The following VAV3 variants were observed in gnomAD, a reference collection of about 807,000 sequenced individuals.
The protein encoded by VAV3 is guanine nucleotide exchange factor VAV3.
VAV3 carries 94 observed loss-of-function variants against 131.2 expected under a neutral mutation model. The ratio of observed to expected loss-of-function variants is 0.72; its 90% CI spans 0.61 to 0.85. The LOEUF is 0.85. Among genes scored for constraint, VAV3 ranks in the 40% least tolerant of loss-of-function variants. The pLI is 0.00. For synonymous variants in VAV3, 349 were observed against 342.0 expected (o/e 1.02, Z -0.22); for missense variants, 939 against 1,002.7 (o/e 0.94, Z 0.86).
At chr1:107,584,785 C>G (rs1650357485) in intron 25 of VAV3, among the ~76,000 whole-genome samples, 1 of 152,036 alleles carries the variant, frequency 6.6e-6, no homozygotes, top group Non-Finnish European at 1.5e-5. Flanking sequence ...AAGCCATTAA[C>G]AAGAAAACAA....
chr1:107,837,111 A>G (rs551810700), intron 2 of VAV3, among the ~76,000 whole-genome samples: 2 of 151,992 alleles, frequency 1.3e-5, no homozygotes, highest in African/African-American at 4.8e-5. Context: ...GCAAAAAAAA[A>G]CAAAACGAAA....
In VAV3 at chr1:107,749,585, G is replaced by GCCAAATCAAATCACTGCCAAATC; in HGVS notation, c.1268_1269insGATTTGGCAGTGATTTGATTTGG (p.Phe423LeufsTer5). 1.2e-6 allele frequency: 2 copies of GCCAAATCAAATCACTGCCAAATC among 1,609,602 alleles called. No individual in the cohort carries two copies. The highest frequency in any genetic ancestry group is 2.2e-5 in the South Asian group (2 of 90,066). ...ATACGATCACTGCCAAATCAAATAA[G>GCCAAATCAAATCACTGCCAAATC]AAGATATGCCTGGGAAAAAGAGATT... is the stretch of plus-strand genomic sequence containing the variant. On this transcript the variant is annotated stop_gained and frameshift_variant, in exon 14 of 27. Coordinates refer to ENST00000370056, the MANE Select transcript of VAV3 (RefSeq NM_006113.5). LOFTEE classifies it high-confidence loss of function.
chr1:107,760,745 A>G lies in VAV3; in HGVS notation c.1017+39T>C, dbSNP rs200516457. On this transcript the variant is annotated intron_variant, in intron 10 of 26. Transcript: ENST00000370056. Reference sequence around the variant, plus strand: ...TGCTTCATTAATATTTTGTTGAGTGAATAAATGGACAATAAATAAACTGTT... The same window carrying G: ...TGCTTCATTAATATTTTGTTGAGTGGATAAATGGACAATAAATAAACTGTT... 2.0e-5 allele frequency: 30 copies of G among 1,492,122 alleles called. No homozygotes were observed. The African/African-American group carries it at 4.1e-4, about 21-fold the overall frequency. The allele number at this position is 1,492,122 out of a possible 1,614,324, so 92.4% of individuals were successfully genotyped here.
At chr1:107,647,071 G>A (rs1160867563) in intron 19 of VAV3, among the ~76,000 whole-genome samples, 1 of 151,284 alleles carries the variant, frequency 6.6e-6, no homozygotes, top group African/African-American at 2.4e-5. Context: ...TCAATGAACT[G>A]AACAGCTAAT....
intron 9 of VAV3, among the ~76,000 whole-genome samples, chr1:107,762,849 T>C (rs1405797428): frequency 1.3e-5 from 2 of 152,258 alleles, no homozygotes; most frequent in South Asian, 2.1e-4. Context: ...AAGTAAATAA[T>C]GGGTAGAAAG....
intron 15 of VAV3, among the ~76,000 whole-genome samples, chr1:107,721,743 C>T (rs1042097802): frequency 2.0e-5 from 3 of 150,632 alleles, no homozygotes; most frequent in African/African-American, 7.3e-5. Flanking sequence ...GAAAAAAAAA[C>T]GTGATGATGC....
At chr1:107,825,324 A>G (rs1016766195) in intron 2 of VAV3, among the ~76,000 whole-genome samples, 1 of 152,106 alleles carries the variant, frequency 6.6e-6, no homozygotes, top group African/African-American at 2.4e-5. Flanking sequence ...TACCTTTTCT[A>G]CAGGTTTTAA....
intron 18 of VAV3, among the ~76,000 whole-genome samples, chr1:107,686,499 C>T (rs1193014424): frequency 1.3e-5 from 2 of 152,102 alleles, no homozygotes. Context: ...CAATCATCTG[C>T]CTTGGAGAGT....
chr1:107,602,174 C>T (rs983619773), intron 24 of VAV3, among the ~76,000 whole-genome samples: 4 of 152,054 alleles, frequency 2.6e-5, no homozygotes, highest in African/African-American at 9.7e-5. Context: ...AAAACTCTAT[C>T]TAAACCTGCA....
intron 2 of VAV3, among the ~76,000 whole-genome samples, chr1:107,869,627 G>C (rs1670163294): frequency 6.6e-6 from 1 of 152,136 alleles, no homozygotes. Flanking sequence ...ATCTAACTCA[G>C]AAACCATGTA....
chr1:107,880,784 A>C (rs141839350), intron 1 of VAV3, among the ~76,000 whole-genome samples: 2,593 of 144,300 alleles, frequency 0.018, 79 homozygotes, highest in African/African-American at 0.064. Context: ...CAACAAAGTG[A>C]GATTCTGTCT....
chr1:107,857,135 G>T (rs1330892324), intron 2 of VAV3, among the ~76,000 whole-genome samples: 6 of 152,222 alleles, frequency 3.9e-5, no homozygotes, highest in African/African-American at 1.4e-4. Flanking sequence ...TGACTCAGTG[G>T]GCTGGGAAAG....
chr1:107,607,974 T>C (rs574264428), intron 22 of VAV3, among the ~76,000 whole-genome samples: 1 of 152,332 alleles, frequency 6.6e-6, no homozygotes, highest in African/African-American at 2.4e-5. Context: ...GGGGAGTTGA[T>C]CATTTTGTTC....
intron 22 of VAV3, among the ~76,000 whole-genome samples, chr1:107,607,596 C>T (rs762746329): frequency 6.6e-5 from 10 of 152,132 alleles, no homozygotes; most frequent in Non-Finnish European, 1.3e-4. Context: ...CCTGCCACTG[C>T]AGGAAAGGGC....
intron 25 of VAV3, among the ~76,000 whole-genome samples, chr1:107,586,519 A>T (rs867116807): frequency 3.3e-5 from 5 of 152,180 alleles, no homozygotes; most frequent in Non-Finnish European, 7.3e-5. Flanking sequence ...TTGAAGAATG[A>T]GTTTTGAATA....
chr1:107,953,144 C>T (rs540157106), intron 1 of VAV3, among the ~76,000 whole-genome samples: 2 of 152,234 alleles, frequency 1.3e-5, no homozygotes, highest in African/African-American at 4.8e-5. Context: ...GGAATTAGGA[C>T]AGTTGGACTC....
intron 18 of VAV3, among the ~76,000 whole-genome samples, chr1:107,684,148 C>G (rs1658855862): frequency 6.6e-6 from 1 of 152,156 alleles, no homozygotes; most frequent in Non-Finnish European, 1.5e-5. Flanking sequence ...AAGAAAACAA[C>G]TTTGCATTAC....
rs1406280020 is a variant in VAV3 at position 107,877,154 on chromosome 1, T to G, written c.205-2137A>C. ...ACAAAGGCAGCAGGTAATCAGCACA[T>G]GCAGTTACTGCTTTCACTTTAAAAA... On this transcript the variant is annotated intron_variant, in intron 1 of 26. Coordinates refer to ENST00000370056, the MANE Select transcript of VAV3 (RefSeq NM_006113.5). 2.0e-5 allele frequency among the ~76,000 whole-genome samples: 3 copies of G among 152,196 alleles called. No homozygotes were observed. The East Asian group carries it at 5.8e-4, about 29-fold the overall frequency.
At chr1:107,785,324 A>C (rs1025269307) in intron 2 of VAV3, 10 of 885,324 alleles carry the variant, frequency 1.1e-5, no homozygotes, top group Admixed American at 1.0e-4. Context: ...GTTGCTAATT[A>C]ATTATGGATT....
Sources: allele counts gnomAD v4.1 joint callset (sites outside exome capture counted in the v4.1 genomes callset), GRCh38; gene constraint gnomAD v4.1.1; transcripts MANE v1.5; gene names NCBI Gene and HGNC (gene_info 2026-07-23, HGNC 2026-07-21).